The following CSPG5 variants were observed in gnomAD, a reference collection of about 807,000 sequenced individuals.
The protein encoded by CSPG5 is chondroitin sulfate proteoglycan 5, also known as acidic leucine-rich EGF-like domain-containing brain protein.
A neutral mutation model predicts 39.8 loss-of-function variants in CSPG5; 25 were observed. The observed-to-expected ratio is 0.63, with a 90% CI of 0.46 to 0.88. The LOEUF is 0.88. CSPG5 is among the 40% of genes least tolerant of loss of function. The pLI is 0.00. For synonymous variants in CSPG5, 295 were observed against 303.9 expected (o/e 0.97, Z 0.31); for missense variants, 627 against 702.2 (o/e 0.89, Z 1.21).
rs1372393045 is a variant in CSPG5 at position 47,577,119 on chromosome 3, G to C, written c.907C>G (p.Pro303Ala). ...DLEDENELLV[P>A]TGKPGLGPGT... ...GGCCCCAGACCAGGCTTCCCAGTGG[G>C]CACTAGAAGCTCATTTTCATCTTCT... The change falls in exon 2 of 5, where the codon CCC becomes GCC. Residue 303 changes from proline to alanine, a missense_variant. Transcript: ENST00000264723. This position sits in a 1 kb window ranked among gnomAD's most constrained non-coding sequence, Gnocchi z 4.7. 1 of 1,613,846 alleles carries C rather than the reference G, an allele frequency of 6.2e-7. No homozygotes were observed. The highest frequency in any genetic ancestry group is 8.5e-7 in the Non-Finnish European group (1 of 1,180,012).
At chr3:47,568,182 A>C (rs1353835690) in intron 4 of CSPG5, among the ~76,000 whole-genome samples, 1 of 152,184 alleles carries the variant, frequency 6.6e-6, no homozygotes. Context: ...TCTCAGTTTA[A>C]CTTGCTTATC....
chr3:47,562,592 G>A lies in CSPG5; in HGVS notation c.*8C>T, dbSNP rs780727627. ...CACTACCCCCGCTTCCTCTCTTCTT[G>A]CTCTGCTTTAGGTTAAATTATTCTG... On this transcript the variant is annotated 3_prime_UTR_variant, in exon 5 of 5. Transcript: ENST00000264723. The A allele has an allele frequency of 1.1e-5, 17 of 1,495,256 alleles. No individual in the cohort carries two copies. Among genetic ancestry groups the A allele is most frequent in the Admixed American group, 1.8e-5 (1 of 54,518 alleles). 92.6% of individuals were successfully genotyped at this position (1,495,256 alleles called of 1,614,324 possible). A position where few individuals can be genotyped will look rare whatever the true frequency, so the allele number is the denominator to read the frequency against.
In CSPG5 at chr3:47,572,932, A is replaced by G; in HGVS notation, c.1194-58T>C. 4 of 1,503,992 alleles carry G rather than the reference A, an allele frequency of 2.7e-6. No individual in the cohort carries two copies. The highest frequency in any genetic ancestry group is 3.6e-6 in the Non-Finnish European group (4 of 1,100,116). 93.2% of individuals were successfully genotyped at this position (1,503,992 alleles called of 1,614,324 possible). A position where few individuals can be genotyped will look rare whatever the true frequency, so the allele number is the denominator to read the frequency against. On this transcript the variant is annotated intron_variant, in intron 2 of 4. Coordinates refer to ENST00000264723, the MANE Select transcript of CSPG5 (RefSeq NM_006574.4). The surrounding 1 kb of genome is among the most constrained non-coding windows in gnomAD (Gnocchi z 4.5). ...GGAGCAGGCAGCCACGGCCACAGTA[A>G]GGGCCTGGGCCCTGACCCCAACACC...
intron 2 of CSPG5, among the ~76,000 whole-genome samples, chr3:47,575,772 C>A (rs116119109): frequency 6.6e-6 from 1 of 152,044 alleles, no homozygotes; most frequent in East Asian, 1.9e-4. Flanking sequence ...CTCCTCCCGC[C>A]GAGCACAAGG....
chr3:47,569,100 A>G (rs139557769), intron 4 of CSPG5, 52 bp downstream of exon 4: 1 of 1,565,558 alleles, frequency 6.4e-7, no homozygotes, highest in African/African-American at 1.4e-5. Flanking sequence ...TAGTGAGCCA[A>G]GGCACGGGCA....
At position 47,572,784 on chromosome 3, in the gene CSPG5, C is replaced by G. The variant is rs147868528; in HGVS notation, c.1284G>C (p.Ser428=). 4 of 1,614,148 alleles carry G rather than the reference C, an allele frequency of 2.5e-6. No individual in the cohort carries two copies. Among genetic ancestry groups the G allele is most frequent in the Non-Finnish European group, 3.4e-6 (4 of 1,180,010 alleles). ...DFQVMCVAVG[S]AALVLLLLFM... is the part of the protein sequence containing the mutation. The stretch of plus-strand genomic sequence containing the variant: ...AGAGCAGGAGCAGGACGAGGGCAGC[C>G]GAGCCCACGGCCACGCACATCACCT... Residue 428 remains serine, a synonymous_variant, in exon 3 of 5, where the codon TCG becomes TCC. Coordinates refer to ENST00000264723, the MANE Select transcript of CSPG5 (RefSeq NM_006574.4). This position sits in a 1 kb window ranked among gnomAD's most constrained non-coding sequence, Gnocchi z 4.5.
chr3:47,570,888 G>T (rs1466582579), intron 3 of CSPG5, among the ~76,000 whole-genome samples: 1 of 152,164 alleles, frequency 6.6e-6, no homozygotes, highest in Admixed American at 6.5e-5. Context: ...AATATGAACA[G>T]CTAGGAACCC....
At position 47,577,773 on chromosome 3, in the gene CSPG5, G is replaced by T; in HGVS notation, c.253C>A (p.Pro85Thr). ...GCCGACTCCTGCAGCACCTCTTCTG[G>T]CCCGGCCAGCTCGCCACCGGGCGCC... Reference protein sequence around the residue: ...WTAPGGELAGPEEVLQESAAV... With the variant: ...WTAPGGELAGTEEVLQESAAV... The change falls in exon 2 of 5, where the codon CCA (proline) becomes ACA (threonine). Residue 85 changes from proline to threonine, a missense_variant. Transcript: ENST00000264723. This position sits in a 1 kb window ranked among gnomAD's most constrained non-coding sequence, Gnocchi z 4.7. 6.3e-7 allele frequency: 1 copy of T among 1,587,818 alleles called. No individual in the cohort carries two copies. The highest frequency in any genetic ancestry group is 8.5e-7 in the Non-Finnish European group (1 of 1,174,396).
Position 47,577,380 on chromosome 3 carries a change from G to C in CSPG5, c.646C>G (p.Leu216Val). Residue 216 changes from leucine to valine, a missense_variant, in exon 2 of 5, where the codon CTG becomes GTG. Transcript: ENST00000264723. This position sits in a 1 kb window ranked among gnomAD's most constrained non-coding sequence, Gnocchi z 4.7. ...TCTGCGCCACGACCCTCACCATCCA[G>C]TCCTTCGAAGTAGTCGATGTCAATG... Reference protein sequence around the residue: ...DIIDIDYFEGLDGEGRGADLG... With the variant: ...DIIDIDYFEGVDGEGRGADLG... 4 of 1,614,216 alleles carry C rather than the reference G, an allele frequency of 2.5e-6. No homozygotes were observed. Among genetic ancestry groups the C allele is most frequent in the Non-Finnish European group, 3.4e-6 (4 of 1,180,038 alleles).
chr3:47,577,119 G>A lies in CSPG5; in HGVS notation c.907C>T (p.Pro303Ser). 6.2e-7 allele frequency: 1 copy of A among 1,613,844 alleles called. No individual in the cohort carries two copies. The highest frequency in any genetic ancestry group is 8.5e-7 in the Non-Finnish European group (1 of 1,180,010). ...DLEDENELLV[P>S]TGKPGLGPGT... is the part of the protein sequence containing the mutation. ...GGCCCCAGACCAGGCTTCCCAGTGGGCACTAGAAGCTCATTTTCATCTTCT... is the reference window on the plus strand; with the variant it reads ...GGCCCCAGACCAGGCTTCCCAGTGGACACTAGAAGCTCATTTTCATCTTCT... Residue 303 changes from proline to serine, a missense_variant, in exon 2 of 5, where the codon CCC becomes TCC. Physicochemically the swap from Pro to Ser is moderately conservative, Grantham distance 74. Transcript: ENST00000264723. This position sits in a 1 kb window ranked among gnomAD's most constrained non-coding sequence, Gnocchi z 4.7.
In CSPG5 at chr3:47,572,657, G is replaced by A. The variant is rs1407338838; in HGVS notation, c.1382+29C>T. ...CGGGGGGCCTCCCACACCCTGACCT[G>A]GGTGGATGGGTGAGTGACACAGACT... On this transcript the variant is annotated intron_variant, in intron 3 of 4. Transcript: ENST00000264723. This position sits in a 1 kb window ranked among gnomAD's most constrained non-coding sequence, Gnocchi z 4.5. 2 of 1,598,888 alleles carry A rather than the reference G, an allele frequency of 1.3e-6. No homozygotes were observed. Among genetic ancestry groups the A allele is most frequent in the East Asian group, 2.2e-5 (1 of 44,606 alleles).
chr3:47,571,852 C>T (rs180717221), intron 3 of CSPG5, among the ~76,000 whole-genome samples: 1 of 152,200 alleles, frequency 6.6e-6, no homozygotes, highest in Non-Finnish European at 1.5e-5. Context: ...CCTTTTGTGA[C>T]TCCTGTGACA....
At position 47,577,294 on chromosome 3, in the gene CSPG5, C is replaced by T. The variant is rs752208392; in HGVS notation, c.732G>A (p.Glu244=). The T allele has an allele frequency of 2.5e-6, 4 of 1,613,758 alleles. No individual in the cohort carries two copies. The highest frequency in any genetic ancestry group is 3.4e-6 in the Non-Finnish European group (4 of 1,179,828). The change falls in exon 2 of 5, where the codon GAG becomes GAA. Residue 244 remains glutamate (E), a synonymous_variant. Transcript: ENST00000264723. This position sits in a 1 kb window ranked among gnomAD's most constrained non-coding sequence, Gnocchi z 4.7. Reference sequence around the variant, plus strand: ...AGTCAAGCAGGCTCCAGGAAGGGGTCTCTCCCTCAGTATCAGGGTGGTTCT... The same window carrying T: ...AGTCAAGCAGGCTCCAGGAAGGGGTTTCTCCCTCAGTATCAGGGTGGTTCT... ...TSENHPDTEG[E]TPSWSLLDLY...
In CSPG5 at chr3:47,569,230, G is replaced by A; in HGVS notation, c.1383-3C>T. The A allele has an allele frequency of 6.2e-7, 1 of 1,613,384 alleles. No homozygotes were observed. Among genetic ancestry groups the A allele is most frequent in the African/African-American group, 1.3e-5 (1 of 74,972 alleles). ...GCTCAGATGGGGTCCGGAATTTGCT[G>A]GTTAGGAGAGAAGAGTGAAGGAAAC... On this transcript the variant is annotated splice_polypyrimidine_tract_variant and splice_region_variant and intron_variant, in intron 3 of 4. Transcript: ENST00000264723.
chr3:47,567,605 A>AT (rs924049328), intron 4 of CSPG5, among the ~76,000 whole-genome samples: 1 of 152,056 alleles, frequency 6.6e-6, no homozygotes, highest in African/African-American at 2.4e-5. Flanking sequence ...AAATTCACCC[A>AT]TTTACTTCTC....
upstream of CSPG5, chr3:47,579,210 G>T (rs950143970): frequency 2.0e-5 from 3 of 152,350 alleles, no homozygotes; most frequent in African/African-American, 7.2e-5. The surrounding 1 kb of genome is among the most constrained non-coding windows in gnomAD (Gnocchi z 4.2). Flanking sequence ...CGGAGGCGGG[G>T]ACGTCGCGGG....
upstream of CSPG5, chr3:47,578,994 C>G (rs1408240500): frequency 6.5e-6 from 1 of 152,858 alleles, no homozygotes; most frequent in African/African-American, 2.4e-5. This position sits in a 1 kb window ranked among gnomAD's most constrained non-coding sequence, Gnocchi z 6.0. Flanking sequence ...AACAGACAGA[C>G]CCCTCGCTGG....
At position 47,562,436 on chromosome 3, in the gene CSPG5, A is replaced by AT. The variant is rs11456803; in HGVS notation, c.*163dup. 0.63 allele frequency: 391,266 copies of AT among 617,390 alleles called. 124,749 individuals are homozygous for AT. Among genetic ancestry groups the AT allele is most frequent in the East Asian group, 0.74 (24,978 of 33,708 alleles). 38.2% of individuals were successfully genotyped at this position (617,390 alleles called of 1,614,324 possible). On this transcript the variant is annotated 3_prime_UTR_variant, in exon 5 of 5. Transcript: ENST00000264723. Reference sequence around the variant, plus strand: ...TTCAGTTTCTTTGCTTATTTTAAGTATTTTTTTGCCTCCTGTACAAAATAC... The same window carrying AT: ...TTCAGTTTCTTTGCTTATTTTAAGTATTTTTTTTGCCTCCTGTACAAAATAC...
chr3:47,567,394 G>A (rs1049643830), intron 4 of CSPG5, among the ~76,000 whole-genome samples: 1 of 152,162 alleles, frequency 6.6e-6, no homozygotes, highest in Non-Finnish European at 1.5e-5. Context: ...CCGAGACTCT[G>A]TCCTGCCCTC....
Sources: gnomAD v4.1 joint callset for allele counts (sites outside exome capture counted in the v4.1 genomes callset) on GRCh38, gnomAD v4.1.1 for gene constraint, Gnocchi (gnomAD v3.1) non-coding constraint, MANE v1.5 for transcripts, NCBI Gene and HGNC (gene_info 2026-07-23, HGNC 2026-07-21) for gene names.